Variants in BLTP3B observed in about 807,000 individuals in gnomAD.
BLTP3B encodes UHRF1 (ICBP90) binding protein 1-like.
the BLTP3B span, among the ~76,000 whole-genome samples, chr12:100,097,023 T>C: frequency 6.6e-6 from 1 of 152,144 alleles, no homozygotes; most frequent in South Asian, 2.1e-4. Context: ...AAGGTTTCAG[T>C]GAGCCTTGAT....
the BLTP3B span, among the ~76,000 whole-genome samples, chr12:100,041,208 T>G: frequency 6.6e-6 from 1 of 152,150 alleles, no homozygotes; most frequent in Non-Finnish European, 1.5e-5. Context: ...AAAAGCCACA[T>G]GATCATCTCA....
chr12:100,132,127 T>C, the BLTP3B span, among the ~76,000 whole-genome samples: 1 of 152,160 alleles, frequency 6.6e-6, no homozygotes, highest in Non-Finnish European at 1.5e-5. Flanking sequence ...GTCCTAAGCA[T>C]ACAATATGCA....
At chr12:100,129,668 T>G in the BLTP3B span, among the ~76,000 whole-genome samples, 1 of 152,146 alleles carries the variant, frequency 6.6e-6, no homozygotes, top group African/African-American at 2.4e-5. Context: ...TTAGCCTCAT[T>G]AAAGCTGCCC....
At chr12:100,046,450 A>G in the BLTP3B span, among the ~76,000 whole-genome samples, 1 of 152,148 alleles carries the variant, frequency 6.6e-6, no homozygotes, top group African/African-American at 2.4e-5. Flanking sequence ...GCTGGAAACA[A>G]TCATTCTGAG....
chr12:100,113,419 C>T, the BLTP3B span, among the ~76,000 whole-genome samples: 3 of 151,926 alleles, frequency 2.0e-5, no homozygotes, highest in African/African-American at 7.3e-5. Flanking sequence ...GCTGAGATTG[C>T]CCCACTGCAC....
the BLTP3B span, among the ~76,000 whole-genome samples, chr12:100,103,424 T>C: frequency 4.6e-5 from 7 of 152,136 alleles, no homozygotes; most frequent in Non-Finnish European, 8.8e-5. Flanking sequence ...CTTCATTCTC[T>C]ATTTCATATA....
At chr12:100,102,699 G>C in the BLTP3B span, 4 of 871,382 alleles carry the variant, frequency 4.6e-6, no homozygotes, top group Non-Finnish European at 6.9e-6. Context: ...TGAGGTTAAG[G>C]CTTTTTTTTT....
chr12:100,059,129 T>C, the BLTP3B span: 1 of 1,614,182 alleles, frequency 6.2e-7, no homozygotes, highest in Non-Finnish European at 8.5e-7. Context: ...CTACAAAACT[T>C]ATTGGCCGTC....
the BLTP3B span, chr12:100,098,543 T>C: frequency 6.3e-7 from 1 of 1,599,772 alleles, no homozygotes; most frequent in Non-Finnish European, 8.5e-7. Flanking sequence ...CCGTATTCAC[T>C]GGAAAAACAA....
the BLTP3B span, among the ~76,000 whole-genome samples, chr12:100,107,821 C>G: frequency 4.6e-5 from 7 of 152,252 alleles, no homozygotes; most frequent in Admixed American, 2.6e-4. Flanking sequence ...TGCAGCCTCA[C>G]CCTTCCAGAC....
the BLTP3B span, among the ~76,000 whole-genome samples, chr12:100,125,004 A>C: frequency 2.3e-5 from 3 of 128,284 alleles, no homozygotes; most frequent in African/African-American, 5.5e-5. Flanking sequence ...TAAGGTCCAT[A>C]TATATATATA....
the BLTP3B span, among the ~76,000 whole-genome samples, chr12:100,092,091 C>A: frequency 2.0e-5 from 3 of 152,244 alleles, no homozygotes; most frequent in African/African-American, 7.2e-5. Flanking sequence ...TTACACTGCA[C>A]CTGGCCCCTA....
the BLTP3B span, chr12:100,039,547 C>G: frequency 2.0e-6 from 3 of 1,496,000 alleles, no homozygotes; most frequent in Non-Finnish European, 2.7e-6. Flanking sequence ...TATCTTAATA[C>G]CTAGTTATTT....
chr12:100,095,591 A>ATTTT, the BLTP3B span: 1 of 1,525,706 alleles, frequency 6.6e-7, no homozygotes, highest in Non-Finnish European at 8.8e-7. Flanking sequence ...CTTAAAGAAA[A>ATTTT]TACCAACAAT....
chr12:100,083,586 C>T, the BLTP3B span, among the ~76,000 whole-genome samples: 28 of 151,876 alleles, frequency 1.8e-4, 1 homozygote, highest in African/African-American at 6.5e-4. Context: ...CCCAACTTAA[C>T]TAATAAATGT....
the BLTP3B span, among the ~76,000 whole-genome samples, chr12:100,040,939 G>T: frequency 6.6e-6 from 1 of 151,914 alleles, no homozygotes; most frequent in Non-Finnish European, 1.5e-5. Flanking sequence ...AAAACAAAAG[G>T]AGCATTCCCA....
the BLTP3B span, among the ~76,000 whole-genome samples, chr12:100,122,500 C>T: frequency 4.6e-5 from 7 of 152,184 alleles, no homozygotes; most frequent in Non-Finnish European, 7.3e-5. Context: ...TGAGCATTTA[C>T]TAGGCATTGT....
the BLTP3B span, among the ~76,000 whole-genome samples, chr12:100,048,740 G>C: frequency 1.5e-5 from 2 of 132,516 alleles, no homozygotes; most frequent in Non-Finnish European, 3.2e-5. Flanking sequence ...GGGGGGGAGA[G>C]AGAGAGAGAG....
At chr12:100,087,729 G>A in the BLTP3B span, among the ~76,000 whole-genome samples, 1 of 152,152 alleles carries the variant, frequency 6.6e-6, no homozygotes, top group Non-Finnish European at 1.5e-5. Flanking sequence ...TACTATTAAG[G>A]AGATATTTTG....
Sources: gnomAD v4.1 joint callset for allele counts (sites outside exome capture counted in the v4.1 genomes callset) on GRCh38, gnomAD v4.1.1 for gene constraint, MANE v1.5 for transcripts, NCBI Gene and HGNC (gene_info 2026-07-23, HGNC 2026-07-21) for gene names.